NLRC5: variants seen among roughly 807,000 people sequenced by gnomAD.
NLRC5 encodes the protein NLR family CARD domain containing 5, also known as protein NLRC5.
NLRC5 carries 114 observed loss-of-function variants against 206.9 expected under a neutral mutation model. That is an observed-to-expected ratio of 0.55 (90% CI 0.47 to 0.64). NLRC5 has a LOEUF of 0.64. Among genes scored for constraint, NLRC5 ranks in the 30% least tolerant of loss-of-function variants. The pLI, the probability that NLRC5 is intolerant of heterozygous loss-of-function variation, is 0.00. For missense variants in NLRC5, 2,008 were observed against 2,305.5 expected (o/e 0.87, Z 2.64); for synonymous variants, 952 against 962.8 (o/e 0.99, Z 0.21).
intron 48 of NLRC5, among the ~76,000 whole-genome samples, chr16:57,082,058 T>C (rs1419888334): frequency 1.3e-5 from 2 of 152,264 alleles, no homozygotes; most frequent in African/African-American, 2.4e-5. Context: ...GCTAGATTTC[T>C]AGCAGATGAG....
Position 57,081,530 on chromosome 16 carries a change from G to A in NLRC5, c.5409G>A (p.Leu1803=), listed in dbSNP as rs201894193. 28 of 1,613,916 alleles carry A rather than the reference G, an allele frequency of 1.7e-5. No homozygotes were observed. The highest frequency in any genetic ancestry group is 2.2e-5 in the Non-Finnish European group (26 of 1,179,936). ...CCCCTCACTGTCCACTGAGAAGCCTGGAGAAGAATCAGATCACAGCTTTGG... is the reference window on the plus strand; with the variant it reads ...CCCCTCACTGTCCACTGAGAAGCCTAGAGAAGAATCAGATCACAGCTTTGG... ...PQMGRLKRVD[L]EKNQITALGA... Residue 1803 remains leucine, a synonymous_variant, in exon 48 of 49, where the codon CTG becomes CTA. Transcript: ENST00000688547.
At chr16:57,015,925 C>CAAAAAAAAAAAAAAA (rs35216159) in intron 1 of NLRC5, among the ~76,000 whole-genome samples, 4 of 39,642 alleles carry the variant, frequency 1.0e-4, no homozygotes, top group African/African-American at 2.3e-4. Flanking sequence ...AACTCCATCT[C>CAAAAAAAAAAAAAAA]AAAAAAAAAA....
intron 2 of NLRC5, 24 bp from the exon 3 acceptor site, chr16:57,020,677 C>T: frequency 6.3e-7 from 1 of 1,579,064 alleles, no homozygotes; most frequent in Non-Finnish European, 8.6e-7. Context: ...CCCCTCAACT[C>T]ACCTATCTTC....
chr16:57,004,699 C>T (rs2058705210), intron 1 of NLRC5: 1 of 152,396 alleles, frequency 6.6e-6, no homozygotes, highest in African/African-American at 2.4e-5. Flanking sequence ...AAGGCAAAGG[C>T]CTGTGGGCTG....
chr16:56,997,373 T>C (rs2057738621), intron 1 of NLRC5, among the ~76,000 whole-genome samples: 2 of 152,044 alleles, frequency 1.3e-5, no homozygotes, highest in Admixed American at 1.3e-4. Flanking sequence ...ACTGGACATG[T>C]CCCCTCCTTG....
At chr16:57,037,100 C>G in intron 14 of NLRC5, 95 bp from the exon 15 acceptor site, 2 of 1,024,452 alleles carry the variant, frequency 2.0e-6, no homozygotes, top group Admixed American at 3.4e-5. Flanking sequence ...GGAGTGACAG[C>G]CAGCAAGCTG....
chr16:57,041,531 A>C lies in NLRC5; in HGVS notation c.2986A>C (p.Lys996Gln). The stretch of plus-strand genomic sequence containing the variant: ...AGAAAAGCACCTAGAGCAGCTCTGC[A>C]AGGCTCTGGGAGGAAGCTGCCACCT... Reference protein sequence around the residue: ...LQEKHLEQLCKALGGSCHLGH... With the variant: ...LQEKHLEQLCQALGGSCHLGH... The change falls in exon 18 of 49, where the codon AAG becomes CAG. Residue 996 changes from lysine to glutamine, a missense_variant. By Grantham distance (53) the Lys-to-Gln change is moderately conservative (BLOSUM62 1). Coordinates refer to ENST00000688547, the MANE Select transcript of NLRC5 (RefSeq NM_001384950.1). 1 of 1,614,112 alleles carries C rather than the reference A, an allele frequency of 6.2e-7. No individual in the cohort carries two copies. Among genetic ancestry groups the C allele is most frequent in the Non-Finnish European group, 8.5e-7 (1 of 1,180,004 alleles).
At chr16:57,042,539 CAA>C (rs1208151117) in intron 19 of NLRC5, among the ~76,000 whole-genome samples, 1 of 152,096 alleles carries the variant, frequency 6.6e-6, no homozygotes, top group African/African-American at 2.4e-5. Flanking sequence ...GAGGAATCCC[CAA>C]AGTTTGCCTG....
chr16:56,990,169 T>C (rs1472591691), intron 1 of NLRC5, among the ~76,000 whole-genome samples: 1 of 152,134 alleles, frequency 6.6e-6, no homozygotes, highest in Admixed American at 6.5e-5. Context: ...ACGTTCAGCT[T>C]GGACAGTCAC....
At chr16:57,070,509 C>T in intron 37 of NLRC5, 26 bp from the exon 38 acceptor site, 1 of 1,609,414 alleles carries the variant, frequency 6.2e-7, no homozygotes, top group Non-Finnish European at 8.5e-7. Context: ...CTGCGCTAAC[C>T]CTTGCCTCTG....
At chr16:57,038,936 A>G (rs2062938348) in intron 15 of NLRC5, among the ~76,000 whole-genome samples, 1 of 148,172 alleles carries the variant, frequency 6.7e-6, no homozygotes, top group Non-Finnish European at 1.5e-5. Context: ...CTCTGTCTCA[A>G]ATTAAAAAAA....
At chr16:57,014,443 T>C (rs2059819273) in intron 1 of NLRC5, among the ~76,000 whole-genome samples, 1 of 152,366 alleles carries the variant, frequency 6.6e-6, no homozygotes, top group African/African-American at 2.4e-5. Context: ...AGCCTTTTGA[T>C]AGAATTGCCT....
chr16:57,029,691 T>C, intron 8 of NLRC5, 82 bp from the exon 9 acceptor site: 1 of 1,103,930 alleles, frequency 9.1e-7, no homozygotes, highest in South Asian at 1.3e-5. Flanking sequence ...CACATGAGGG[T>C]GGCCATCCTG....
chr16:57,077,704 G>GC lies in NLRC5; in HGVS notation c.4920-9dup. 2 of 1,554,046 alleles carry GC rather than the reference G, an allele frequency of 1.3e-6. No individual in the cohort carries two copies. The highest frequency in any genetic ancestry group is 8.7e-7 in the Non-Finnish European group (1 of 1,147,626). ...GGGGGCATCAGAGGACCTGATGGCT[G>GC]CCCCCCTCCCACAGCCTCTCAGGGA... On this transcript the variant is annotated splice_polypyrimidine_tract_variant and intron_variant, in intron 41 of 48. Coordinates refer to ENST00000688547, the MANE Select transcript of NLRC5 (RefSeq NM_001384950.1).
At chr16:57,064,535 CT>C (rs1376681123) in intron 32 of NLRC5, among the ~76,000 whole-genome samples, 1 of 152,074 alleles carries the variant, frequency 6.6e-6, no homozygotes, top group African/African-American at 2.4e-5. Flanking sequence ...AAATACTTTC[CT>C]TTTTTTGAAA....
chr16:57,077,707 C>A lies in NLRC5; in HGVS notation c.4920-12C>A. On this transcript the variant is annotated splice_polypyrimidine_tract_variant and intron_variant, in intron 41 of 48. Transcript: ENST00000688547. Reference sequence around the variant, plus strand: ...GGCATCAGAGGACCTGATGGCTGCCCCCCTCCCACAGCCTCTCAGGGAATA... The same window carrying A: ...GGCATCAGAGGACCTGATGGCTGCCACCCTCCCACAGCCTCTCAGGGAATA... The A allele has an allele frequency of 6.4e-7, 1 of 1,556,932 alleles. No individual in the cohort carries two copies.
Position 57,025,407 on chromosome 16 carries a change from C to T in NLRC5, c.464C>T (p.Ala155Val), listed in dbSNP as rs200019366. 3 of 1,560,356 alleles carry T rather than the reference C, an allele frequency of 1.9e-6. No homozygotes were observed. Among genetic ancestry groups the T allele is most frequent in the Non-Finnish European group, 1.7e-6 (2 of 1,153,996 alleles). The change falls in exon 6 of 49, where the codon GCC (alanine) becomes GTC (valine). Residue 155 changes from alanine to valine, a missense_variant. By Grantham distance (64) the Ala-to-Val change is moderately conservative. Transcript: ENST00000688547. ...KKYLQLLRTS[A>V]QQRYRSQIPG... ...TACCTGCAGCTCCTGCGGACCTCTG[C>T]CCAGCAGCGCTACAGGAGCCAAATC...
intron 5 of NLRC5, 47 bp from the exon 6 acceptor site, chr16:57,025,321 G>A (rs746865619): frequency 1.3e-6 from 2 of 1,506,306 alleles, no homozygotes; most frequent in Admixed American, 2.3e-5. Flanking sequence ...GACATGAGCA[G>A]AGGGCCGGGG....
intron 1 of NLRC5, chr16:57,003,805 C>T (rs1206341806): frequency 2.0e-5 from 3 of 152,266 alleles, no homozygotes; most frequent in African/African-American, 7.2e-5. Context: ...CCACAGGAAC[C>T]CCCTTGGGCT....
Sources: gnomAD v4.1 joint callset for allele counts (sites outside exome capture counted in the v4.1 genomes callset) on GRCh38, gnomAD v4.1.1 for gene constraint, MANE v1.5 for transcripts, NCBI Gene and HGNC (gene_info 2026-07-23, HGNC 2026-07-21) for gene names.